MAPRE2: variants seen among roughly 807,000 people sequenced by gnomAD.
MAPRE2 encodes the protein microtubule-associated protein RP/EB family member 2.
A neutral mutation model predicts 43.2 loss-of-function variants in MAPRE2; 13 were observed. That is an observed-to-expected ratio of 0.30 (90% CI 0.20 to 0.48). The LOEUF (loss-of-function observed/expected upper bound fraction) is 0.48, where lower values mean the gene tolerates loss of function less well. MAPRE2 is among the 20% of genes least tolerant of loss of function. MAPRE2 has a pLI of 0.99. For synonymous variants in MAPRE2, 135 were observed against 148.8 expected, an observed-to-expected ratio of 0.91 and a Z score of 0.68; for missense variants, 161 against 400.2, an observed-to-expected ratio of 0.40 and a Z score of 5.10.
At chr18:34,994,277 A>C (rs2097025324) in intron 1 of MAPRE2, among the ~76,000 whole-genome samples, 1 of 152,218 alleles carries the variant, frequency 6.6e-6, no homozygotes, top group Non-Finnish European at 1.5e-5. Flanking sequence ...TGTTAGATGA[A>C]GTGATAGCTA....
intron 2 of MAPRE2, among the ~76,000 whole-genome samples, chr18:35,010,315 C>A (rs2097033895): frequency 6.6e-6 from 1 of 152,182 alleles, no homozygotes; most frequent in South Asian, 2.1e-4. Context: ...CTGAAGCAGG[C>A]AGATCCCTTG....
intron 2 of MAPRE2, among the ~76,000 whole-genome samples, chr18:35,029,136 C>G (rs1163131557): frequency 7.3e-6 from 1 of 137,474 alleles, no homozygotes; most frequent in Non-Finnish European, 1.5e-5. Context: ...AACATAAGCT[C>G]TAATTAAAAC....
intron 2 of MAPRE2, among the ~76,000 whole-genome samples, chr18:35,092,235 G>A (rs1908186132): frequency 6.6e-6 from 1 of 152,172 alleles, no homozygotes; most frequent in Non-Finnish European, 1.5e-5. Flanking sequence ...TGTGGGTGGG[G>A]ACGCAGATCC....
intron 2 of MAPRE2, among the ~76,000 whole-genome samples, chr18:35,086,286 CATATATAGAT>C (rs765971427): frequency 6.6e-6 from 1 of 151,214 alleles, no homozygotes; most frequent in South Asian, 2.1e-4. Context: ...ATATGAGATA[CATATATAGAT>C]ATGTATCTCA....
rs77328450 is a variant in MAPRE2, at chr18:35,094,201, A to G, written c.251-3245A>G. Among the ~76,000 whole-genome samples the G allele has an allele frequency of 2.5e-4, 38 of 152,334 alleles. No homozygotes were observed. In the East Asian group the frequency reaches 6.7e-3, roughly 27 times the overall value. ...CATTACACAATGTATATATGTATTA[A>G]AAGATCACACTTGTACCCCATAATG... On this transcript the variant is annotated intron_variant, in intron 2 of 6. Coordinates refer to ENST00000300249, the MANE Select transcript of MAPRE2 (RefSeq NM_014268.4).
In MAPRE2 at chr18:35,022,027, A is replaced by G. The variant is rs185288456; in HGVS notation, c.-8+16474A>G. Among the ~76,000 whole-genome samples, 20 of 152,322 alleles carry G rather than the reference A, an allele frequency of 1.3e-4. 1 individual carries two copies. The highest frequency in any genetic ancestry group is 6.5e-4 in the Admixed American group (10 of 15,292). ...TATGCAATTCTGAAGCCTCAGAAGC[A>G]GTGGAACCATGCTTTCAAAGTTCTG... On this transcript the variant is annotated intron_variant, in intron 2 of 7. Transcript: ENST00000413393.
At chr18:35,039,015 G>A (rs181103351), upstream of MAPRE2, among the ~76,000 whole-genome samples, 1 of 152,118 alleles carries the variant, frequency 6.6e-6, no homozygotes, top group African/African-American at 2.4e-5. Context: ...AAACAAAGTG[G>A]GTGTGTTCTC....
At chr18:35,116,897 A>T (rs1909435479) in intron 4 of MAPRE2, among the ~76,000 whole-genome samples, 1 of 152,130 alleles carries the variant, frequency 6.6e-6, no homozygotes, top group Admixed American at 6.5e-5. Flanking sequence ...TTACTGTAGG[A>T]TTTGTTTGTC....
chr18:35,046,142 G>C (rs1440368036), intron 1 of MAPRE2, among the ~76,000 whole-genome samples: 1 of 152,156 alleles, frequency 6.6e-6, no homozygotes, highest in African/African-American at 2.4e-5. Context: ...AGATTAATTG[G>C]AAGGGGAAAT....
At chr18:35,113,152 TATG>T (rs1396939105) in intron 4 of MAPRE2, among the ~76,000 whole-genome samples, 12 of 152,306 alleles carry the variant, frequency 7.9e-5, no homozygotes, top group African/African-American at 2.9e-4. Context: ...ACCTACCTCT[TATG>T]ATGATAAAAA....
intron 1 of MAPRE2, among the ~76,000 whole-genome samples, chr18:35,002,194 T>C (rs1170122890): frequency 6.6e-6 from 1 of 152,236 alleles, no homozygotes. Context: ...ATGCAGTATA[T>C]AACTTTTAAG....
intron 4 of MAPRE2, 51 bp from the exon 5 acceptor site, chr18:35,126,897 A>AAC (rs1909928083): frequency 6.4e-7 from 1 of 1,556,516 alleles, no homozygotes. Flanking sequence ...ATGTATCTAA[A>AAC]ACACACTTTT....
chr18:35,095,363 TACACACACACACACAC>T (rs34361204), intron 2 of MAPRE2, among the ~76,000 whole-genome samples: 5 of 136,090 alleles, frequency 3.7e-5, no homozygotes, highest in African/African-American at 5.8e-5. Context: ...TTTAAGAAAA[TACACACACACACACAC>T]ACACACACAC....
intron 2 of MAPRE2, chr18:35,081,909 G>T (rs529015257): frequency 6.6e-6 from 1 of 152,304 alleles, no homozygotes; most frequent in South Asian, 2.1e-4. Flanking sequence ...GTATGATGTG[G>T]GTAATGGTTC....
chr18:35,021,679 T>C (rs1272094037), intron 2 of MAPRE2, among the ~76,000 whole-genome samples: 1 of 152,110 alleles, frequency 6.6e-6, no homozygotes, highest in African/African-American at 2.4e-5. Context: ...TTGGACTTAG[T>C]GTGGCTGAGA....
intron 2 of MAPRE2, among the ~76,000 whole-genome samples, chr18:35,091,620 A>G (rs1001386044): frequency 1.3e-5 from 2 of 152,194 alleles, no homozygotes; most frequent in African/African-American, 4.8e-5. Flanking sequence ...GATACTGAAC[A>G]AAAAGAACAA....
chr18:35,070,274 A>C lies in MAPRE2; in HGVS notation c.202A>C (p.Asn68His). 6.2e-7 allele frequency: 1 copy of C among 1,611,688 alleles called. No individual in the cohort carries two copies. The highest frequency in any genetic ancestry group is 8.5e-7 in the Non-Finnish European group (1 of 1,178,690). The change falls in exon 2 of 7, where the codon AAT (asparagine) becomes CAT (histidine). Residue 68 changes from asparagine to histidine, a missense_variant. Asn to His is a moderately conservative substitution (Grantham distance 68, BLOSUM62 1). Transcript: ENST00000300249. ...MSRHDIIAWVNDIVSLNYTKV... is the reference protein window; with the variant it reads ...MSRHDIIAWVHDIVSLNYTKV... ...CAGACATGACATCATTGCATGGGTT[A>C]ATGACATAGTATCTTTAAACTACAC...
intron 2 of MAPRE2, among the ~76,000 whole-genome samples, chr18:35,013,570 T>A (rs1230571482): frequency 6.6e-6 from 1 of 152,154 alleles, no homozygotes; most frequent in Non-Finnish European, 1.5e-5. Flanking sequence ...TATGTTATTG[T>A]CAACAATAGT....
intron 6 of MAPRE2, among the ~76,000 whole-genome samples, chr18:35,140,014 A>G (rs959954294): frequency 6.6e-6 from 1 of 152,214 alleles, no homozygotes; most frequent in African/African-American, 2.4e-5. Flanking sequence ...CATGTATTCT[A>G]AGAAGATTTC....
Sources: gnomAD v4.1 joint callset for allele counts (sites outside exome capture counted in the v4.1 genomes callset) on GRCh38, gnomAD v4.1.1 for gene constraint, MANE v1.5 for transcripts, NCBI Gene and HGNC (gene_info 2026-07-23, HGNC 2026-07-21) for gene names.